Variants in TTC12 observed in about 807,000 individuals in gnomAD.
TTC12 encodes the protein tetratricopeptide repeat protein 12.
Under a neutral mutation model 90.1 loss-of-function variants are expected in TTC12, and 70 were observed. The ratio of observed to expected loss-of-function variants is 0.78; its 90% CI spans 0.64 to 0.95. The LOEUF is 0.95. TTC12 is among the 40% of genes least tolerant of loss of function. TTC12 has a pLI of 0.00. For synonymous variants in TTC12, 296 were observed against 311.5 expected, an observed-to-expected ratio of 0.95 and a Z score of 0.53; for missense variants, 819 against 846.1, an observed-to-expected ratio of 0.97 and a Z score of 0.40.
At chr11:113,342,221 TTTTTC>T (rs1263544120) in intron 12 of TTC12, among the ~76,000 whole-genome samples, 2 of 152,040 alleles carry the variant, frequency 1.3e-5, no homozygotes, top group Non-Finnish European at 2.9e-5. Flanking sequence ...GTAGATGGAG[TTTTTC>T]TTTTCTTGTC....
chr11:113,321,802 G>T (rs1893699), intron 2 of TTC12, among the ~76,000 whole-genome samples: 92,934 of 151,970 alleles, frequency 0.61, 28,680 homozygotes, highest in Non-Finnish European at 0.63. Context: ...ACACTTACCC[G>T]GGTTGCTTGC....
chr11:113,330,877 A>T (rs749041006), intron 7 of TTC12, among the ~76,000 whole-genome samples: 1 of 152,210 alleles, frequency 6.6e-6, no homozygotes, highest in Non-Finnish European at 1.5e-5. Flanking sequence ...ACTTAGAATC[A>T]AGTAAAATTG....
In TTC12 at chr11:113,335,313, G is replaced by C. The variant is rs148098336; in HGVS notation, c.576+276G>C. On this transcript the variant is annotated intron_variant, in intron 8 of 21. Coordinates refer to ENST00000529221, the MANE Select transcript of TTC12 (RefSeq NM_017868.4). ...TGAGCAAAAAGAGAAAACAAAATTT[G>C]CTGTAACCTCATCACCCAAAAGTAA... 1.1e-4 allele frequency among the ~76,000 whole-genome samples: 16 copies of C among 152,196 alleles called. No individual in the cohort carries two copies. In the East Asian group the frequency reaches 2.9e-3, roughly 28 times the overall value.
At chr11:113,321,777 A>G (rs1947352006) in intron 2 of TTC12, among the ~76,000 whole-genome samples, 1 of 152,200 alleles carries the variant, frequency 6.6e-6, no homozygotes, top group African/African-American at 2.4e-5. Flanking sequence ...CATACCACTC[A>G]TGAGAAAGTA....
chr11:113,358,205 T>A (rs1417367804), intron 16 of TTC12, among the ~76,000 whole-genome samples: 1 of 152,074 alleles, frequency 6.6e-6, no homozygotes, highest in Non-Finnish European at 1.5e-5. Context: ...CCATCTGCAA[T>A]GGTGATCAGT....
At chr11:113,335,675 G>A (rs1444525044) in intron 8 of TTC12, among the ~76,000 whole-genome samples, 1 of 152,096 alleles carries the variant, frequency 6.6e-6, no homozygotes, top group Non-Finnish European at 1.5e-5. Flanking sequence ...AGAGTCATAC[G>A]ATCTGTGGTC....
chr11:113,339,912 C>T (rs1393204938), intron 10 of TTC12, among the ~76,000 whole-genome samples: 6 of 152,132 alleles, frequency 3.9e-5, no homozygotes, highest in Admixed American at 2.6e-4. Flanking sequence ...GCACATCCTG[C>T]GTGTACTCCA....
chr11:113,339,064 G>C (rs1334505981), intron 9 of TTC12, among the ~76,000 whole-genome samples: 1 of 152,078 alleles, frequency 6.6e-6, no homozygotes, highest in Non-Finnish European at 1.5e-5. Context: ...TCCTCCCTTA[G>C]ACACTTTTAG....
At chr11:113,334,573 T>G (rs569431323) in intron 7 of TTC12, among the ~76,000 whole-genome samples, 1 of 152,018 alleles carries the variant, frequency 6.6e-6, no homozygotes, top group African/African-American at 2.4e-5. Context: ...CTTAAAAAAT[T>G]ATTGATGCCT....
At chr11:113,360,495 A>G (rs782313479) in intron 18 of TTC12, among the ~76,000 whole-genome samples, 7 of 152,184 alleles carry the variant, frequency 4.6e-5, no homozygotes, top group Non-Finnish European at 5.9e-5. Context: ...TTTAAAATAT[A>G]TGCTGAAATG....
At chr11:113,373,103 A>G (rs138655599) in intron 21 of TTC12, 6 of 671,390 alleles carry the variant, frequency 8.9e-6, no homozygotes, top group African/African-American at 2.0e-5. Context: ...AACGGGTTCT[A>G]TCATTATTCT....
At position 113,329,918 on chromosome 11, in the gene TTC12, A is replaced by AG; in HGVS notation, c.445dup. ...GAATATCAGCTGTTGGTTTCATTAC[A>AG]GGCTTATATGAAACTTGAGGACTAT... is the stretch of plus-strand genomic sequence containing the variant. On this transcript the variant is annotated splice_acceptor_variant, in intron 6 of 21. Transcript: ENST00000529221. LOFTEE classifies it high-confidence loss of function. 1.2e-6 allele frequency: 2 copies of AG among 1,613,280 alleles called. No individual in the cohort carries two copies. Among genetic ancestry groups the AG allele is most frequent in the Non-Finnish European group, 1.7e-6 (2 of 1,179,208 alleles).
Position 113,365,012 on chromosome 11 carries a change from A to G in TTC12, c.1994A>G (p.Gln665Arg). ...AGTGACACACAGAAGACGGCCGTGCAGGTGAACGCAGGCATTGCTCTGGGG... is the reference window on the plus strand; with the variant it reads ...AGTGACACACAGAAGACGGCCGTGCGGGTGAACGCAGGCATTGCTCTGGGG... ...AGSDTQKTAV[Q>R]VNAGIALGKL... Residue 665 changes from glutamine (Q) to arginine (R), a missense_variant, in exon 21 of 22, where the codon CAG (glutamine) becomes CGG (arginine). Coordinates refer to ENST00000529221, the MANE Select transcript of TTC12 (RefSeq NM_017868.4). 6.2e-7 allele frequency: 1 copy of G among 1,614,178 alleles called. No homozygotes were observed. Among genetic ancestry groups the G allele is most frequent in the Non-Finnish European group, 8.5e-7 (1 of 1,180,034 alleles).
chr11:113,364,495 G>A (rs1045457115), intron 20 of TTC12: 13 of 321,324 alleles, frequency 4.0e-5, no homozygotes, highest in African/African-American at 6.4e-5. Flanking sequence ...CCACCTGGGG[G>A]CTGTCAGATA....
intron 13 of TTC12, among the ~76,000 whole-genome samples, chr11:113,348,099 G>C (rs760684911): frequency 9.9e-5 from 15 of 152,250 alleles, no homozygotes; most frequent in Non-Finnish European, 2.2e-4. Flanking sequence ...GGCAAAGGGT[G>C]TAAGTCTCAC....
chr11:113,326,100 C>G (rs1947679207), intron 6 of TTC12, among the ~76,000 whole-genome samples: 2 of 152,208 alleles, frequency 1.3e-5, no homozygotes, highest in African/African-American at 4.8e-5. Flanking sequence ...ATCAGTCTCT[C>G]TTTAAGATTC....
At chr11:113,332,399 C>T (rs1439649784) in intron 7 of TTC12, among the ~76,000 whole-genome samples, 1 of 152,180 alleles carries the variant, frequency 6.6e-6, no homozygotes, top group Non-Finnish European at 1.5e-5. Flanking sequence ...GGCTGGGGGA[C>T]AAGGCTTTAA....
chr11:113,350,694 C>CT (rs1487705030), intron 14 of TTC12, among the ~76,000 whole-genome samples: 4 of 152,000 alleles, frequency 2.6e-5, no homozygotes, highest in Admixed American at 6.5e-5. Flanking sequence ...TTTTCAGTTG[C>CT]TTTTTTTTAA....
At chr11:113,368,360 G>A (rs10891540), downstream of TTC12, 769,474 of 1,546,716 alleles carry the variant, frequency 0.5, 198,798 homozygotes, top group Non-Finnish European at 0.53. Context: ...CTACCATGCA[G>A]ACCTTCCAGG....
Sources: allele counts gnomAD v4.1 joint callset (sites outside exome capture counted in the v4.1 genomes callset), GRCh38; gene constraint gnomAD v4.1.1; transcripts MANE v1.5; gene names NCBI Gene and HGNC (gene_info 2026-07-23, HGNC 2026-07-21).